SNAP25: variants seen among roughly 807,000 people sequenced by gnomAD.
SNAP25 encodes the protein synaptosomal-associated protein 25.
Under a neutral mutation model 28.7 loss-of-function variants are expected in SNAP25, and 3 were observed. That is an observed-to-expected ratio of 0.10 (90% confidence interval 0.05 to 0.27). SNAP25 has a LOEUF of 0.27. Ranked by LOEUF, SNAP25 falls within the 10% of genes least tolerant of loss-of-function variation. SNAP25 has a pLI of 1.00. For missense variants in SNAP25, 117 were observed against 278.7 expected, an observed-to-expected ratio of 0.42 and a Z score of 4.13; for synonymous variants, 61 against 88.1, an observed-to-expected ratio of 0.69 and a Z score of 1.72.
intron 1 of SNAP25, chr20:10,219,808 A>G (rs990926405): frequency 1.3e-5 from 2 of 152,200 alleles, no homozygotes; most frequent in African/African-American, 2.4e-5. Context: ...CCCTTAATAG[A>G]GGAGTCATAG....
intron 1 of SNAP25, among the ~76,000 whole-genome samples, chr20:10,220,812 A>T (rs1285453077): frequency 6.6e-6 from 1 of 152,262 alleles, no homozygotes; most frequent in Admixed American, 6.5e-5. Context: ...GTGTTTAGAT[A>T]GTCATACCTC....
chr20:10,263,814 G>A (rs2063461249), intron 1 of SNAP25, among the ~76,000 whole-genome samples: 1 of 152,082 alleles, frequency 6.6e-6, no homozygotes, highest in Non-Finnish European at 1.5e-5. Context: ...GGCTGGATGC[G>A]GCTGCACTAA....
rs2123063756 is a variant in SNAP25, at chr20:10,284,721, T to C, written c.115-3T>C. Reference sequence around the variant, plus strand: ...CAACTTTGCTACCATTATTGGAATGTAGAGTAAAGATGCTGGTATCAGGAC... The same window carrying C: ...CAACTTTGCTACCATTATTGGAATGCAGAGTAAAGATGCTGGTATCAGGAC... On this transcript the variant is annotated splice_polypyrimidine_tract_variant and splice_region_variant and intron_variant, in intron 3 of 7. Coordinates refer to ENST00000254976, the MANE Select transcript of SNAP25 (RefSeq NM_130811.4). 1 of 1,611,950 alleles carries C rather than the reference T, an allele frequency of 6.2e-7. No homozygotes were observed. The highest frequency in any genetic ancestry group is 8.5e-7 in the Non-Finnish European group (1 of 1,178,500).
chr20:10,297,135 AC>A (rs1302631302), intron 6 of SNAP25, 85 bp downstream of exon 6: 1 of 1,428,518 alleles, frequency 7.0e-7, no homozygotes, highest in East Asian at 2.5e-5. Context: ...CTAAAAAACA[AC>A]CATTTTATTG....
Position 10,245,592 on chromosome 20 carries a change from G to C in SNAP25, c.-64+26615G>C, listed in dbSNP as rs529837965. 3.3e-5 allele frequency among the ~76,000 whole-genome samples: 5 copies of C among 152,150 alleles called. No homozygotes were observed. In the South Asian group the frequency reaches 1.0e-3, roughly 32 times the overall value. Reference sequence around the variant, plus strand: ...GGGGCAGTGTGGGTTTCAAAGTATCGCATTTACAGTTTCACCCCGGGCGTG... The same window carrying C: ...GGGGCAGTGTGGGTTTCAAAGTATCCCATTTACAGTTTCACCCCGGGCGTG... On this transcript the variant is annotated intron_variant, in intron 1 of 7. Coordinates refer to ENST00000254976, the MANE Select transcript of SNAP25 (RefSeq NM_130811.4).
intron 1 of SNAP25, among the ~76,000 whole-genome samples, chr20:10,263,776 T>C (rs1439502739): frequency 6.6e-6 from 1 of 152,130 alleles, no homozygotes; most frequent in Non-Finnish European, 1.5e-5. Flanking sequence ...AAACCATCCC[T>C]AAGGGGCGGT....
chr20:10,285,192 C>T (rs531305700), intron 4 of SNAP25, among the ~76,000 whole-genome samples: 1 of 152,258 alleles, frequency 6.6e-6, no homozygotes, highest in African/African-American at 2.4e-5. Context: ...TTTTGACCAT[C>T]CCAACTCAGT....
chr20:10,299,828 A>G (rs2064192982), intron 7 of SNAP25, among the ~76,000 whole-genome samples: 1 of 152,240 alleles, frequency 6.6e-6, no homozygotes, highest in African/African-American at 2.4e-5. Context: ...GAAAGATCTC[A>G]AGAGGCAAAG....
intron 5 of SNAP25, 85 bp from the exon 6 acceptor site, chr20:10,296,840 C>G: frequency 6.3e-7 from 1 of 1,592,680 alleles, no homozygotes; most frequent in Non-Finnish European, 8.5e-7. Flanking sequence ...TCGCTTGGTT[C>G]GATTCTTCGC....
intron 1 of SNAP25, among the ~76,000 whole-genome samples, chr20:10,229,396 C>T (rs2062787372): frequency 6.6e-6 from 1 of 152,094 alleles, no homozygotes; most frequent in Non-Finnish European, 1.5e-5. Context: ...AAAATTCCTA[C>T]ATGCATCATC....
At chr20:10,251,813 T>C (rs1025794615) in intron 1 of SNAP25, among the ~76,000 whole-genome samples, 1 of 152,198 alleles carries the variant, frequency 6.6e-6, no homozygotes, top group African/African-American at 2.4e-5. Context: ...CTATCATATG[T>C]TCCTCCTAGA....
chr20:10,253,933 G>A (rs2063274315), intron 1 of SNAP25, among the ~76,000 whole-genome samples: 3 of 152,280 alleles, frequency 2.0e-5, no homozygotes, highest in Admixed American at 2.0e-4. Context: ...GACTGGCAGG[G>A]TTCCCTACGC....
In SNAP25 at chr20:10,306,156, G is replaced by C; in HGVS notation, c.580G>C (p.Glu194Gln). ...KADSNKTRID[E>Q]ANQRATKMLG... ...TGATTCCAACAAAACCAGAATTGAT[G>C]AGGCCAACCAACGTGCAACAAAGAT... Residue 194 changes from glutamate (E) to glutamine (Q), a missense_variant, in exon 8 of 8, where the codon GAG becomes CAG. Glu to Gln is a conservative substitution (Grantham distance 29). Transcript: ENST00000254976. 6.2e-7 allele frequency: 1 copy of C among 1,613,694 alleles called. No homozygotes were observed. Among genetic ancestry groups the C allele is most frequent in the Non-Finnish European group, 8.5e-7 (1 of 1,179,806 alleles).
intron 4 of SNAP25, 111 bp downstream of exon 4, chr20:10,284,883 G>A (rs567341088): frequency 4.7e-5 from 37 of 786,326 alleles, no homozygotes; most frequent in African/African-American, 2.9e-4. Context: ...ACATGTACAC[G>A]AATGTGAGGG....
intron 1 of SNAP25, among the ~76,000 whole-genome samples, chr20:10,233,223 G>A (rs2062856684): frequency 6.6e-6 from 1 of 152,156 alleles, no homozygotes; most frequent in African/African-American, 2.4e-5. Flanking sequence ...TATGGCCTGT[G>A]TGGGCTAAAG....
chr20:10,224,257 C>CTTTATTTTTTTTTT (rs2062690304), intron 1 of SNAP25, among the ~76,000 whole-genome samples: 1 of 17,420 alleles, frequency 5.7e-5, no homozygotes, highest in African/African-American at 2.7e-4. Context: ...ATGTACATGT[C>CTTTATTTTTTTTTT]TTTTTTTTTT....
chr20:10,259,045 G>T (rs1418861875), intron 1 of SNAP25, among the ~76,000 whole-genome samples: 1 of 152,152 alleles, frequency 6.6e-6, no homozygotes, highest in African/African-American at 2.4e-5. Context: ...TTCAGAGTGG[G>T]ATTGTGTTCA....
chr20:10,279,924 G>A (rs1216243313), intron 3 of SNAP25, among the ~76,000 whole-genome samples: 1 of 152,174 alleles, frequency 6.6e-6, no homozygotes, highest in Non-Finnish European at 1.5e-5. Flanking sequence ...TGATGTCTAG[G>A]ACATTTGCTG....
chr20:10,224,257 CTTTTTTTTTTTTTT>C (rs71332917), intron 1 of SNAP25, among the ~76,000 whole-genome samples: 79 of 17,434 alleles, frequency 4.5e-3, no homozygotes, highest in African/African-American at 0.016. Context: ...ATGTACATGT[CTTTTTTTTTTTTTT>C]TTTTTTTTTT....
Sources: gnomAD v4.1 joint callset for allele counts (sites outside exome capture counted in the v4.1 genomes callset) on GRCh38, gnomAD v4.1.1 for gene constraint, MANE v1.5 for transcripts, NCBI Gene and HGNC (gene_info 2026-07-23, HGNC 2026-07-21) for gene names.